RO60: variants seen among roughly 807,000 people sequenced by gnomAD.
RO60 encodes the protein RNA-binding protein RO60.
RO60 carries 20 observed loss-of-function variants against 55.3 expected under a neutral mutation model. The observed-to-expected ratio is 0.36, with a 90% CI of 0.25 to 0.53. RO60 has a LOEUF of 0.53. RO60 is among the 20% of genes least tolerant of loss of function. The pLI, the probability that RO60 is intolerant of heterozygous loss-of-function variation, is 0.92. For missense variants in RO60, 558 were observed against 646.6 expected (o/e 0.86, Z 1.49); for synonymous variants, 213 against 213.6 (o/e 1.00, Z 0.02).
chr1:193,065,154 T>C (rs1673022707), intron 1 of RO60, among the ~76,000 whole-genome samples: 1 of 152,214 alleles, frequency 6.6e-6, no homozygotes, highest in Non-Finnish European at 1.5e-5. Context: ...TGCATAATTA[T>C]TTGGCAAATG....
At chr1:193,066,191 ATTTC>A (rs1395452574) in intron 1 of RO60, among the ~76,000 whole-genome samples, 1 of 152,162 alleles carries the variant, frequency 6.6e-6, no homozygotes, top group Non-Finnish European at 1.5e-5. Flanking sequence ...GCTCATTCTC[ATTTC>A]TTTAAGAAAT....
chr1:193,066,097 ATCTTTACCTATAC>A (rs971083324), intron 1 of RO60, among the ~76,000 whole-genome samples: 1 of 152,088 alleles, frequency 6.6e-6, no homozygotes, highest in Non-Finnish European at 1.5e-5. Flanking sequence ...CTTCAAATCT[ATCTTTACCTATAC>A]TCTTTACCCT....
chr1:193,079,349 A>G (rs1212055121), intron 5 of RO60, among the ~76,000 whole-genome samples: 1 of 152,152 alleles, frequency 6.6e-6, no homozygotes. Context: ...TTGGCCTCCC[A>G]AAGTGCTGGG....
Position 193,087,996 on chromosome 1 carries a change from C to A in RO60, c.*3265C>A, listed in dbSNP as rs887801506. On this transcript the variant is annotated 3_prime_UTR_variant, in exon 9 of 9. Coordinates refer to ENST00000400968, the MANE Select transcript of RO60 (RefSeq NM_001173524.2). ...ACAGACCTAGAAAAACAAGCTTATACTCTGAGGAAATGCTGTTAACAAACT... is the reference window on the plus strand; with the variant it reads ...ACAGACCTAGAAAAACAAGCTTATAATCTGAGGAAATGCTGTTAACAAACT... The A allele has an allele frequency of 6.6e-6, 1 of 151,764 alleles. No individual in the cohort carries two copies. Among genetic ancestry groups the A allele is most frequent in the African/African-American group, 2.4e-5 (1 of 41,268 alleles). 9.4% of individuals were successfully genotyped at this position (151,764 alleles called of 1,614,324 possible).
intron 1 of RO60, among the ~76,000 whole-genome samples, chr1:193,067,463 G>T (rs1673194849): frequency 6.6e-6 from 1 of 152,020 alleles, no homozygotes; most frequent in Non-Finnish European, 1.5e-5. Context: ...GGGATTACAG[G>T]CGTGAGCCAC....
chr1:193,076,319 T>C (rs1014197424), intron 3 of RO60, among the ~76,000 whole-genome samples, 182 bp from the exon 4 acceptor site: 2 of 152,178 alleles, frequency 1.3e-5, no homozygotes, highest in Non-Finnish European at 2.9e-5. Flanking sequence ...ATCCTTTTTC[T>C]AGTAAAAAAC....
intron 8 of RO60, among the ~76,000 whole-genome samples, chr1:193,083,770 T>C (rs1453322839): frequency 6.6e-6 from 1 of 152,136 alleles, no homozygotes; most frequent in Admixed American, 6.5e-5. Flanking sequence ...TTTTGTTTTT[T>C]TAAGAAATGG....
At chr1:193,063,305 G>T (rs944232338) in intron 1 of RO60, among the ~76,000 whole-genome samples, 2 of 151,988 alleles carry the variant, frequency 1.3e-5, no homozygotes, top group Non-Finnish European at 2.9e-5. Flanking sequence ...GTGTTTACTG[G>T]CCATTTGATA....
At chr1:193,063,278 G>A (rs966468001) in intron 1 of RO60, among the ~76,000 whole-genome samples, 16 of 152,122 alleles carry the variant, frequency 1.1e-4, no homozygotes, top group African/African-American at 3.9e-4. Flanking sequence ...GACTAATGAT[G>A]TTCGTCATCT....
In RO60 at chr1:193,086,633, T is replaced by G. The variant is rs1196431902; in HGVS notation, c.*1902T>G. ...ATCATTTTATTCCTAATAGAAATGT[T>G]AAATAGAATATAGTACAAAAGTGCA... On this transcript the variant is annotated 3_prime_UTR_variant, in exon 9 of 9. Transcript: ENST00000400968. 1 of 152,040 alleles carries G rather than the reference T, an allele frequency of 6.6e-6. No homozygotes were observed. Among genetic ancestry groups the G allele is most frequent in the African/African-American group, 2.4e-5 (1 of 41,404 alleles). 9.4% of individuals were successfully genotyped at this position (152,040 alleles called of 1,614,324 possible).
At chr1:193,081,068 A>C (rs1674277590) in intron 5 of RO60, among the ~76,000 whole-genome samples, 4 of 152,214 alleles carry the variant, frequency 2.6e-5, no homozygotes, top group Admixed American at 2.0e-4. Flanking sequence ...TTCTCATTTT[A>C]CTTCAATGAG....
intron 5 of RO60, 72 bp downstream of exon 5, chr1:193,077,122 G>A: frequency 7.1e-7 from 1 of 1,399,872 alleles, no homozygotes; most frequent in Non-Finnish European, 9.7e-7. Flanking sequence ...ACATTTTAAA[G>A]GTAGTATTAA....
chr1:193,086,624 T>C lies in RO60; in HGVS notation c.*1893T>C, dbSNP rs140913021. On this transcript the variant is annotated 3_prime_UTR_variant, in exon 9 of 9. Coordinates refer to ENST00000400968, the MANE Select transcript of RO60 (RefSeq NM_001173524.2). ...TATAACATGATCATTTTATTCCTAA[T>C]AGAAATGTTAAATAGAATATAGTAC... 1.3e-5 allele frequency: 2 copies of C among 152,250 alleles called. No individual in the cohort carries two copies. The highest frequency in any genetic ancestry group is 1.3e-4 in the Admixed American group (2 of 15,290). 9.4% of individuals were successfully genotyped at this position (152,250 alleles called of 1,614,324 possible).
chr1:193,067,349 C>T (rs1281592634), intron 1 of RO60, among the ~76,000 whole-genome samples: 3 of 151,792 alleles, frequency 2.0e-5, no homozygotes, highest in South Asian at 2.1e-4. Context: ...CCAACACGCC[C>T]GGCTAATTTT....
In RO60 at chr1:193,082,208, ATTC is replaced by A; in HGVS notation, c.1229_1231del (p.Ser410del). 1.9e-6 allele frequency: 3 copies of A among 1,612,670 alleles called. No individual in the cohort carries two copies. The highest frequency in any genetic ancestry group is 2.5e-6 in the Non-Finnish European group (3 of 1,179,308). ...CAGGTTGTCACACGAACAGAAAAAGATTCTTATGTAGTTGCTTTTTCCGATGAA... is the reference window on the plus strand; with the variant it reads ...CAGGTTGTCACACGAACAGAAAAAGATTATGTAGTTGCTTTTTCCGATGAA... On this transcript the variant is annotated inframe_deletion, in exon 7 of 9. Transcript: ENST00000400968.
intron 7 of RO60, 113 bp from the exon 8 acceptor site, chr1:193,082,449 T>C (rs1674378249): frequency 7.2e-7 from 1 of 1,384,018 alleles, no homozygotes; most frequent in African/African-American, 1.5e-5. Flanking sequence ...CGAAAATATA[T>C]ATGCAGGCTT....
intron 1 of RO60, among the ~76,000 whole-genome samples, chr1:193,064,147 A>T (rs1480201070): frequency 6.6e-6 from 1 of 152,206 alleles, no homozygotes; most frequent in Admixed American, 6.5e-5. Context: ...TTCACCAAGG[A>T]TGCTCCACTG....
intron 8 of RO60, among the ~76,000 whole-genome samples, chr1:193,083,124 G>C (rs967950298): frequency 6.6e-6 from 1 of 152,158 alleles, no homozygotes; most frequent in Non-Finnish European, 1.5e-5. Context: ...ATAGGAGCCA[G>C]TGTCCGTTAT....
At chr1:193,066,684 C>G (rs1673130727) in intron 1 of RO60, among the ~76,000 whole-genome samples, 1 of 152,182 alleles carries the variant, frequency 6.6e-6, no homozygotes, top group Non-Finnish European at 1.5e-5. Context: ...CACCAAGATT[C>G]TATCCTTAGC....
Sources: gnomAD v4.1 joint callset for allele counts (sites outside exome capture counted in the v4.1 genomes callset) on GRCh38, gnomAD v4.1.1 for gene constraint, MANE v1.5 for transcripts, NCBI Gene and HGNC (gene_info 2026-07-23, HGNC 2026-07-21) for gene names.